Variants in ANO2 observed in about 807,000 individuals in gnomAD.
ANO2 encodes the protein anoctamin-2.
A neutral mutation model predicts 124.2 loss-of-function variants in ANO2; 101 were observed. That is an observed-to-expected ratio of 0.81 (90% confidence interval 0.69 to 0.96). The LOEUF (loss-of-function observed/expected upper bound fraction) is 0.96. Among genes scored for constraint, ANO2 ranks in the 40% least tolerant of loss-of-function variants. ANO2 has a pLI of 0.00. For synonymous variants in ANO2, 486 were observed against 482.5 expected, an observed-to-expected ratio of 1.01 and a Z score of -0.09; for missense variants, 1,293 against 1,274.5, an observed-to-expected ratio of 1.01 and a Z score of -0.22.
chr12:5,743,443 C>A (rs1361836657), intron 12 of ANO2, among the ~76,000 whole-genome samples: 1 of 151,290 alleles, frequency 6.6e-6, no homozygotes, highest in Non-Finnish European at 1.5e-5. Flanking sequence ...GGGTGGTTAT[C>A]CCGCGTTATT....
chr12:5,686,850 C>T (rs879561734), intron 14 of ANO2, among the ~76,000 whole-genome samples: 1 of 152,228 alleles, frequency 6.6e-6, no homozygotes, highest in Non-Finnish European at 1.5e-5. Flanking sequence ...ACACTATGAG[C>T]CCACCTTGTC....
intron 3 of ANO2, among the ~76,000 whole-genome samples, chr12:5,920,819 A>T (rs1278946774): frequency 6.6e-6 from 1 of 152,162 alleles, no homozygotes; most frequent in Non-Finnish European, 1.5e-5. Flanking sequence ...GTGAGCCAAG[A>T]TCACACCACT....
intron 7 of ANO2, among the ~76,000 whole-genome samples, chr12:5,810,160 TG>T (rs1360368509): frequency 6.6e-6 from 1 of 152,180 alleles, no homozygotes; most frequent in Non-Finnish European, 1.5e-5. Flanking sequence ...TGGTATCCTA[TG>T]GGTGATCCCA....
At chr12:5,634,025 A>C (rs1294152876) in intron 16 of ANO2, among the ~76,000 whole-genome samples, 1 of 152,132 alleles carries the variant, frequency 6.6e-6, no homozygotes, top group Non-Finnish European at 1.5e-5. Flanking sequence ...GTTCTTCCGA[A>C]GTGCTTCCAT....
chr12:5,580,993 A>G (rs1942723006), intron 20 of ANO2, among the ~76,000 whole-genome samples: 1 of 152,220 alleles, frequency 6.6e-6, no homozygotes, highest in Admixed American at 6.5e-5. Flanking sequence ...GAAATCCCCA[A>G]AAACAAGCTC....
At position 5,854,517 on chromosome 12, in the gene ANO2, C is replaced by A. The variant is rs560240767; in HGVS notation, c.535-376G>T. On this transcript the variant is annotated intron_variant, in intron 3 of 24. Coordinates refer to ENST00000682330, the MANE Select transcript of ANO2 (RefSeq NM_001364791.2). The stretch of plus-strand genomic sequence containing the variant: ...TCTTAATAACAAGTGGTTGGTTTTG[C>A]ACTGCTCACACTCAGTGAATAGCCT... Among the ~76,000 whole-genome samples the A allele has an allele frequency of 4.0e-5, 6 of 151,790 alleles. No individual in the cohort carries two copies. The South Asian group carries it at 1.3e-3, about 32-fold the overall frequency.
At chr12:5,727,123 G>C (rs1240650614) in intron 14 of ANO2, among the ~76,000 whole-genome samples, 1 of 152,196 alleles carries the variant, frequency 6.6e-6, no homozygotes, top group East Asian at 1.9e-4. Context: ...AATCCTCGGT[G>C]CTGGAGGTGG....
At chr12:5,735,314 T>A (rs1179273084) in intron 13 of ANO2, among the ~76,000 whole-genome samples, 1 of 151,856 alleles carries the variant, frequency 6.6e-6, no homozygotes, top group Non-Finnish European at 1.5e-5. Context: ...GTGGTCAGTC[T>A]CCCCAGGAGC....
intron 3 of ANO2, among the ~76,000 whole-genome samples, chr12:5,894,813 T>C (rs1939658166): frequency 6.6e-6 from 1 of 152,188 alleles, no homozygotes. Context: ...ATGGGTGGCG[T>C]TATTTCTGAG....
intron 3 of ANO2, among the ~76,000 whole-genome samples, chr12:5,920,368 C>T (rs1941629993): frequency 6.6e-6 from 1 of 152,050 alleles, no homozygotes; most frequent in Admixed American, 6.6e-5. Context: ...GGTCTTCCTC[C>T]CAAGGAAACC....
intron 14 of ANO2, among the ~76,000 whole-genome samples, chr12:5,719,269 CA>C (rs1233601411): frequency 2.0e-5 from 3 of 152,170 alleles, no homozygotes; most frequent in Non-Finnish European, 4.4e-5. Flanking sequence ...ACGTTCAAGG[CA>C]GACTAGAAGT....
At chr12:5,943,767 C>T (rs1342074927) in intron 1 of ANO2, among the ~76,000 whole-genome samples, 2 of 152,182 alleles carry the variant, frequency 1.3e-5, no homozygotes, top group Non-Finnish European at 2.9e-5. Flanking sequence ...GCTCTAGCAA[C>T]GTCATACATA....
intron 10 of ANO2, among the ~76,000 whole-genome samples, chr12:5,789,523 C>T (rs1270814860): frequency 2.6e-5 from 4 of 152,238 alleles, no homozygotes; most frequent in African/African-American, 9.6e-5. Flanking sequence ...GGCTGAGTGA[C>T]TAAGGCTGAG....
intron 3 of ANO2, among the ~76,000 whole-genome samples, chr12:5,878,248 A>G (rs1938242334): frequency 1.3e-5 from 2 of 152,244 alleles, no homozygotes; most frequent in African/African-American, 4.8e-5. Flanking sequence ...TAATGCTGTA[A>G]GGGAAGTAGA....
intron 8 of ANO2, among the ~76,000 whole-genome samples, chr12:5,806,571 C>A (rs944894344): frequency 6.6e-6 from 1 of 152,222 alleles, no homozygotes; most frequent in African/African-American, 2.4e-5. Flanking sequence ...CCGCATGGCA[C>A]GTGCCCAAGA....
intron 14 of ANO2, among the ~76,000 whole-genome samples, chr12:5,715,930 G>C (rs1018125090): frequency 6.6e-6 from 1 of 152,108 alleles, no homozygotes; most frequent in Non-Finnish European, 1.5e-5. Flanking sequence ...AAATCCACAT[G>C]ATAAAATATT....
intron 1 of ANO2, among the ~76,000 whole-genome samples, chr12:5,933,142 C>G (rs535557009): frequency 8.5e-5 from 13 of 152,330 alleles, no homozygotes; most frequent in African/African-American, 3.1e-4. Flanking sequence ...ATAGTGCACA[C>G]TTCTTAACAT....
At chr12:5,796,357 C>T (rs1952849131) in intron 10 of ANO2, among the ~76,000 whole-genome samples, 1 of 151,698 alleles carries the variant, frequency 6.6e-6, no homozygotes, top group Non-Finnish European at 1.5e-5. Context: ...CACTCTCACA[C>T]ACACCCTCAC....
Position 5,750,952 on chromosome 12 carries a change from T to G in ANO2, c.1074A>C (p.Lys358Asn), listed in dbSNP as rs1461576693. The G allele has an allele frequency of 6.2e-7, 1 of 1,602,826 alleles. No homozygotes were observed. Among genetic ancestry groups the G allele is most frequent in the East Asian group, 2.2e-5 (1 of 44,770 alleles). ...IDLIRKYFGEKIGLYFAWLGL... is the reference protein window; with the variant it reads ...IDLIRKYFGENIGLYFAWLGL... ...CCAGCCAGGCAAAATACAGTCCAAT[T>G]TTTTCTCCAAAATACTTTCTGGAAA... The change falls in exon 11 of 25, where the codon AAA becomes AAC. Residue 358 changes from lysine (K) to asparagine (N), a missense_variant. Physicochemically the swap from Lys to Asn is moderately conservative, Grantham distance 94. Coordinates refer to ENST00000682330, the MANE Select transcript of ANO2 (RefSeq NM_001364791.2).
Sources: gnomAD v4.1 joint callset for allele counts (sites outside exome capture counted in the v4.1 genomes callset) on GRCh38, gnomAD v4.1.1 for gene constraint, MANE v1.5 for transcripts, NCBI Gene and HGNC (gene_info 2026-07-23, HGNC 2026-07-21) for gene names.